The following LHX8 variants were observed in gnomAD, a reference collection of about 807,000 sequenced individuals.
LHX8 encodes the protein LIM/homeobox protein Lhx8.
In LHX8, 12 loss-of-function variants were observed where a neutral mutation model predicts 40.3. The observed-to-expected ratio is 0.30, with a 90% CI of 0.19 to 0.48. The LOEUF is 0.48. LHX8 is among the 20% of genes least tolerant of loss of function. The probability of loss-of-function intolerance (pLI) is 0.99; values close to 1 mark genes in which losing one functional copy is unlikely to be tolerated. For synonymous variants in LHX8, 179 were observed against 162.0 expected (o/e 1.10, Z -0.80); for missense variants, 344 against 433.7 (o/e 0.79, Z 1.84).
At chr1:75,169,560 TA>T in the LHX8 span, among the ~76,000 whole-genome samples, 2 of 152,086 alleles carry the variant, frequency 1.3e-5, no homozygotes, top group Non-Finnish European at 2.9e-5. Flanking sequence ...TAGAACAGGA[TA>T]ACCCTTTCCC....
At chr1:75,198,452 T>C in the LHX8 span, among the ~76,000 whole-genome samples, 1 of 152,180 alleles carries the variant, frequency 6.6e-6, no homozygotes, top group Non-Finnish European at 1.5e-5. Flanking sequence ...GATATGATGC[T>C]CACTCTCATG....
At chr1:75,137,308 G>T in intron 3 of LHX8, 47 bp downstream of exon 3, 1 of 1,573,742 alleles carries the variant, frequency 6.4e-7, no homozygotes, top group Non-Finnish European at 8.7e-7. Flanking sequence ...CGGGCTTAGC[G>T]TGGGAGCTCT....
chr1:75,168,779 C>T, the LHX8 span, among the ~76,000 whole-genome samples: 5 of 152,100 alleles, frequency 3.3e-5, no homozygotes, highest in African/African-American at 4.8e-5. Flanking sequence ...TCCAGTCCAG[C>T]CTCTTACTAC....
At chr1:75,136,424 A>C (rs979602093) in intron 1 of LHX8, among the ~76,000 whole-genome samples, 179 bp from the exon 2 acceptor site, 4 of 151,726 alleles carry the variant, frequency 2.6e-5, no homozygotes, top group Non-Finnish European at 5.9e-5. Context: ...CGGCCAGCGA[A>C]GGAGGCTGCG....
intron 7 of LHX8, 105 bp downstream of exon 7, chr1:75,148,787 C>T: frequency 1.3e-6 from 1 of 764,970 alleles, no homozygotes. Flanking sequence ...AAGTGATTCT[C>T]CCACCTCAGC....
At chr1:75,159,706 T>A (rs1049413969) in intron 8 of LHX8, 2 of 152,294 alleles carry the variant, frequency 1.3e-5, no homozygotes, top group Admixed American at 6.5e-5. Context: ...TCAAGTCATG[T>A]CTTGTTATTT....
downstream of LHX8, among the ~76,000 whole-genome samples, chr1:75,164,405 A>G (rs964545973): frequency 1.3e-5 from 2 of 152,154 alleles, no homozygotes; most frequent in Non-Finnish European, 2.9e-5. Flanking sequence ...ACCATTTTAA[A>G]TGACACTGTG....
At chr1:75,156,224 TGTTGTTG>T (rs1283417815) in intron 7 of LHX8, among the ~76,000 whole-genome samples, 4 of 112,774 alleles carry the variant, frequency 3.5e-5, no homozygotes, top group East Asian at 9.6e-4. Flanking sequence ...TTGTTGTTGT[TGTTGTTG>T]TTGTTTTGTT....
At chr1:75,141,879 A>G (rs1449599244) in intron 4 of LHX8, among the ~76,000 whole-genome samples, 1 of 152,182 alleles carries the variant, frequency 6.6e-6, no homozygotes, top group Non-Finnish European at 1.5e-5. Context: ...ACTATATAAT[A>G]AAGGCTGTAA....
chr1:75,184,873 G>T, the LHX8 span, among the ~76,000 whole-genome samples: 2 of 147,606 alleles, frequency 1.4e-5, no homozygotes, highest in South Asian at 2.1e-4. Context: ...AAACTAATAA[G>T]AAGAGAGAGA....
intron 7 of LHX8, among the ~76,000 whole-genome samples, chr1:75,149,026 A>T (rs556127981): frequency 6.3e-4 from 96 of 152,336 alleles, no homozygotes; most frequent in Non-Finnish European, 1.2e-3. Flanking sequence ...GGGCTAGGCT[A>T]CCATTTGTCA....
the LHX8 span, among the ~76,000 whole-genome samples, chr1:75,174,429 T>C: frequency 0.016 from 2,362 of 152,324 alleles, 62 homozygotes; most frequent in African/African-American, 0.054. Flanking sequence ...CCTACACCTG[T>C]AATTCCAGCT....
At chr1:75,131,136 T>C (rs1219433095), upstream of LHX8, 5 of 320,392 alleles carry the variant, frequency 1.6e-5, no homozygotes, top group Non-Finnish European at 2.4e-5. Flanking sequence ...GCGCCTCCTT[T>C]GACCACGTTT....
the LHX8 span, among the ~76,000 whole-genome samples, chr1:75,176,569 A>T: frequency 1.3e-5 from 2 of 152,154 alleles, no homozygotes; most frequent in Admixed American, 1.3e-4. Context: ...GATTCTGGAT[A>T]TTAGCCCTTT....
intron 7 of LHX8, 41 bp downstream of exon 7, chr1:75,148,723 A>C: frequency 7.2e-7 from 1 of 1,389,300 alleles, no homozygotes; most frequent in Non-Finnish European, 1.0e-6. Context: ...GTTTTTAAAA[A>C]ATAGATATTG....
At chr1:75,157,357 G>T (rs1210464428) in intron 8 of LHX8, among the ~76,000 whole-genome samples, 1 of 152,062 alleles carries the variant, frequency 6.6e-6, no homozygotes, top group East Asian at 1.9e-4. Flanking sequence ...GTTTTTACCG[G>T]TAAATATTTA....
intron 6 of LHX8, 24 bp downstream of exon 6, chr1:75,143,972 AT>A (rs767821516): frequency 6.3e-7 from 1 of 1,590,502 alleles, no homozygotes; most frequent in Non-Finnish European, 8.6e-7. Context: ...TGAATTTTTT[AT>A]TTTTGAAGCC....
downstream of LHX8, among the ~76,000 whole-genome samples, chr1:75,163,507 C>G (rs1401577129): frequency 6.6e-6 from 1 of 152,126 alleles, no homozygotes; most frequent in Non-Finnish European, 1.5e-5. Flanking sequence ...ATGGCTCCTA[C>G]CGGAGGAGAT....
At chr1:75,190,672 C>A in the LHX8 span, among the ~76,000 whole-genome samples, 1 of 152,064 alleles carries the variant, frequency 6.6e-6, no homozygotes, top group Non-Finnish European at 1.5e-5. Context: ...CTTAAAGATA[C>A]GTGTAGTGGA....
Sources: allele counts gnomAD v4.1 joint callset (sites outside exome capture counted in the v4.1 genomes callset), GRCh38; gene constraint gnomAD v4.1.1; transcripts MANE v1.5; gene names NCBI Gene and HGNC (gene_info 2026-07-23, HGNC 2026-07-21).